MAST2: variants seen among roughly 807,000 people sequenced by gnomAD.
MAST2 encodes the protein microtubule associated serine/threonine kinase 2.
MAST2 carries 70 observed loss-of-function variants against 147.4 expected under a neutral mutation model. The ratio of observed to expected loss-of-function variants is 0.47; its 90% CI spans 0.39 to 0.58. MAST2 has a LOEUF of 0.58. Ranked by LOEUF, MAST2 falls within the 20% of genes least tolerant of loss-of-function variation. The pLI is 0.00. For missense variants in MAST2, 2,080 were observed against 2,302.3 expected, an observed-to-expected ratio of 0.90 and a Z score of 1.98; for synonymous variants, 869 against 896.8, an observed-to-expected ratio of 0.97 and a Z score of 0.55.
At chr1:45,831,710 TATTTCTCCTAAGGTG>T (rs1450390937) in intron 3 of MAST2, among the ~76,000 whole-genome samples, 3 of 152,060 alleles carry the variant, frequency 2.0e-5, no homozygotes, top group Non-Finnish European at 4.4e-5. Flanking sequence ...CATCCTTAAG[TATTTCTCCTAAGGTG>T]AAGGATACTC....
In MAST2 at chr1:46,019,670, C is replaced by T. The variant is rs201649155; in HGVS notation, c.1263C>T (p.Ala421=). 8.3e-5 allele frequency: 134 copies of T among 1,614,122 alleles called. 1 individual carries two copies. The African/African-American group carries it at 1.6e-3, about 20-fold the overall frequency. ...QLVKKLMIII[A]RPARLLECLE... ...TGAAAAAGCTGATGATTATCATTGC[C>T]CGCCCAGCACGTCTCCTGGAATGCC... Residue 421 remains alanine, a synonymous_variant, in exon 11 of 29, where the codon GCC becomes GCT. Coordinates refer to ENST00000361297, the MANE Select transcript of MAST2 (RefSeq NM_015112.3).
At chr1:45,939,980 GTTTT>G (rs1174123217) in intron 4 of MAST2, among the ~76,000 whole-genome samples, 4 of 97,284 alleles carry the variant, frequency 4.1e-5, no homozygotes, top group East Asian at 3.6e-4. Flanking sequence ...TTTATTTAGG[GTTTT>G]TTTTTTTTTT....
intron 10 of MAST2, among the ~76,000 whole-genome samples, chr1:46,014,846 C>T (rs1404604509): frequency 6.6e-6 from 1 of 152,176 alleles, no homozygotes; most frequent in Non-Finnish European, 1.5e-5. Flanking sequence ...CTACAGAACC[C>T]TCCACCCCAA....
chr1:46,033,830 C>T lies in MAST2; in HGVS notation c.3566C>T (p.Thr1189Ile). ...GGAAACAAGGTGGCCATTTCAACAA[C>T]TCCCCTGGAGAACACATCCATTAAA... is the stretch of plus-strand genomic sequence containing the variant. The part of the protein sequence containing the change: ...KSGNKVAIST[T>I]PLENTSIKVG... The change falls in exon 27 of 29, where the codon ACT becomes ATT. Residue 1189 changes from threonine (T) to isoleucine (I), a missense_variant. Physicochemically the swap from Thr to Ile is moderately conservative, Grantham distance 89. This residue lies in a region of MAST2 where 1,278 missense variants were observed against 1,304.2 expected (regional missense o/e 0.98). Coordinates refer to ENST00000361297, the MANE Select transcript of MAST2 (RefSeq NM_015112.3). 6.2e-7 allele frequency: 1 copy of T among 1,614,182 alleles called. No homozygotes were observed. The highest frequency in any genetic ancestry group is 2.2e-5 in the East Asian group (1 of 44,878).
chr1:45,943,143 G>T (rs1657551865), intron 4 of MAST2, among the ~76,000 whole-genome samples: 1 of 152,298 alleles, frequency 6.6e-6, no homozygotes, highest in East Asian at 1.9e-4. Flanking sequence ...AGAGAATAGA[G>T]ACATAATGGT....
chr1:45,874,210 T>A lies in MAST2; in HGVS notation c.469-8154T>A, dbSNP rs146673347. Among the ~76,000 whole-genome samples the A allele has an allele frequency of 2.0e-5, 3 of 152,328 alleles. No homozygotes were observed. In the East Asian group the frequency reaches 5.8e-4, roughly 29 times the overall value. On this transcript the variant is annotated intron_variant, in intron 3 of 28. Coordinates refer to ENST00000361297, the MANE Select transcript of MAST2 (RefSeq NM_015112.3). ...TAGATGGAATCCCAGGTCACACAGT[T>A]ACATGTTTTTGAGCCACGACAGAAG...
intron 3 of MAST2, 35 bp from the exon 4 acceptor site, chr1:45,882,329 T>G (rs1646889502): frequency 6.4e-7 from 1 of 1,572,318 alleles, no homozygotes; most frequent in Non-Finnish European, 8.8e-7. Context: ...TCAGATGGGT[T>G]CTTATTTCTA....
chr1:45,807,627 C>T (rs921937578), intron 1 of MAST2, among the ~76,000 whole-genome samples: 36 of 151,624 alleles, frequency 2.4e-4, no homozygotes, highest in Admixed American at 6.6e-4. Flanking sequence ...CTGCAACCTT[C>T]GCCTCCCAGG....
At chr1:45,921,356 G>C (rs1358006203) in intron 4 of MAST2, among the ~76,000 whole-genome samples, 1 of 152,156 alleles carries the variant, frequency 6.6e-6, no homozygotes, top group African/African-American at 2.4e-5. Context: ...TGCTTTTCTA[G>C]CTAGAAACCT....
At chr1:45,833,293 T>G (rs1645012079) in intron 3 of MAST2, among the ~76,000 whole-genome samples, 1 of 152,164 alleles carries the variant, frequency 6.6e-6, no homozygotes, top group South Asian at 2.1e-4. Context: ...TAATTAGTGA[T>G]TACCAGGGCA....
chr1:45,822,945 C>T (rs1170609784), intron 1 of MAST2, among the ~76,000 whole-genome samples: 3 of 152,196 alleles, frequency 2.0e-5, no homozygotes, highest in Admixed American at 6.5e-5. Context: ...CTCAGTCCTG[C>T]TACAGTTAGG....
intron 4 of MAST2, among the ~76,000 whole-genome samples, chr1:45,888,663 CTTTTTTTTTTTTTTTTTTTTTTTTTT>C (rs71587722): frequency 8.2e-5 from 4 of 48,686 alleles, no homozygotes; most frequent in Admixed American, 2.9e-4. Context: ...CGCGCGGCCT[CTTTTTTTTTTTTTTTTTTTTTTTTTT>C]TTTTTTTTTT....
At position 45,908,974 on chromosome 1, in the gene MAST2, G is replaced by C. The variant is rs1448516117; in HGVS notation, c.500+26579G>C. 2.6e-5 allele frequency among the ~76,000 whole-genome samples: 4 copies of C among 152,108 alleles called. No individual in the cohort carries two copies. In the East Asian group the frequency reaches 7.7e-4, roughly 29 times the overall value. Reference sequence around the variant, plus strand: ...TCTTATGGTAATTTGTAGTAGAATGGCTAGTTCTCTTTCGGTAATGTCATA... The same window carrying C: ...TCTTATGGTAATTTGTAGTAGAATGCCTAGTTCTCTTTCGGTAATGTCATA... On this transcript the variant is annotated intron_variant, in intron 4 of 28. Transcript: ENST00000361297.
intron 4 of MAST2, among the ~76,000 whole-genome samples, chr1:45,916,899 T>C (rs1652626726): frequency 6.6e-6 from 1 of 152,242 alleles, no homozygotes; most frequent in East Asian, 1.9e-4. Context: ...ACCAACATGA[T>C]GAAACCCTGT....
intron 4 of MAST2, among the ~76,000 whole-genome samples, chr1:45,944,924 G>T (rs923468210): frequency 1.3e-5 from 2 of 152,188 alleles, no homozygotes; most frequent in Non-Finnish European, 2.9e-5. Context: ...GAAGGCCAAG[G>T]ATTGAGTATA....
At chr1:45,833,263 A>G (rs984403563) in intron 3 of MAST2, among the ~76,000 whole-genome samples, 46 of 152,162 alleles carry the variant, frequency 3.0e-4, no homozygotes, top group Admixed American at 2.8e-3. Context: ...TTTTTCCCAT[A>G]TATGTAGAAA....
intron 1 of MAST2, among the ~76,000 whole-genome samples, chr1:45,818,434 G>A (rs891156439): frequency 5.3e-5 from 8 of 152,180 alleles, no homozygotes; most frequent in African/African-American, 1.9e-4. Flanking sequence ...ATGTCACAGT[G>A]TGATCGAGAA....
chr1:45,959,091 T>C (rs939546768), intron 4 of MAST2, among the ~76,000 whole-genome samples: 1 of 152,158 alleles, frequency 6.6e-6, no homozygotes, highest in African/African-American at 2.4e-5. Context: ...TAAAACATGG[T>C]TTTTGCCCGT....
At position 46,031,665 on chromosome 1, in the gene MAST2, G is replaced by C; in HGVS notation, c.3187+80G>C. On this transcript the variant is annotated intron_variant, in intron 24 of 28. Transcript: ENST00000361297. This position sits in a 1 kb window ranked among gnomAD's most constrained non-coding sequence, Gnocchi z 4.1. ...AGGCCTTGGGAGGGTTCTGCACGTG[G>C]CAGGTGTGTGTGTGTGTGTTAAGCA... is the stretch of plus-strand genomic sequence containing the variant. The C allele has an allele frequency of 7.3e-7, 1 of 1,370,908 alleles. No individual in the cohort carries two copies. Among genetic ancestry groups the C allele is most frequent in the Admixed American group, 2.1e-5 (1 of 48,582 alleles). 84.9% of individuals were successfully genotyped at this position (1,370,908 alleles called of 1,614,324 possible).
Sources: allele counts gnomAD v4.1 joint callset (sites outside exome capture counted in the v4.1 genomes callset), GRCh38; gene constraint gnomAD v4.1.1; regional missense constraint gnomAD v4.1.1; non-coding constraint Gnocchi (gnomAD v3.1); transcripts MANE v1.5; gene names NCBI Gene and HGNC (gene_info 2026-07-23, HGNC 2026-07-21).